STK3: variants seen among roughly 807,000 people sequenced by gnomAD.
STK3 encodes the protein serine/threonine kinase 3, also known as serine/threonine-protein kinase 3.
In STK3, 41 loss-of-function variants were observed where a neutral mutation model predicts 58.0. The ratio of observed to expected loss-of-function variants is 0.71; its 90% CI spans 0.55 to 0.92. The LOEUF (loss-of-function observed/expected upper bound fraction) is 0.92, where lower values mean the gene tolerates loss of function less well. Ranked by LOEUF, STK3 falls within the 40% of genes least tolerant of loss-of-function variation. STK3 has a pLI of 0.00. For synonymous variants in STK3, 170 were observed against 191.0 expected, an observed-to-expected ratio of 0.89 and a Z score of 0.91; for missense variants, 479 against 602.7, an observed-to-expected ratio of 0.79 and a Z score of 2.15.
intron 3 of STK3, among the ~76,000 whole-genome samples, chr8:98,878,125 T>G (rs578051577): frequency 6.6e-6 from 1 of 151,894 alleles, no homozygotes; most frequent in Non-Finnish European, 1.5e-5. Flanking sequence ...TGATCTCAGC[T>G]TACTGCAACC....
chr8:98,398,618 T>G (rs116314310), downstream of STK3, among the ~76,000 whole-genome samples: 969 of 152,266 alleles, frequency 6.4e-3, 8 homozygotes, highest in African/African-American at 0.022. Flanking sequence ...CTCAGTGCAC[T>G]GAGATGAGGC....
At chr8:98,483,271 A>G (rs1336228196) in intron 10 of STK3, among the ~76,000 whole-genome samples, 1 of 152,232 alleles carries the variant, frequency 6.6e-6, no homozygotes, top group African/African-American at 2.4e-5. Flanking sequence ...TTAATATAAC[A>G]CACATAAATA....
At chr8:98,600,087 A>G (rs1457155361) in intron 6 of STK3, among the ~76,000 whole-genome samples, 1 of 152,240 alleles carries the variant, frequency 6.6e-6, no homozygotes, top group Non-Finnish European at 1.5e-5. Context: ...CCTATAATAA[A>G]GTTTCCACAG....
At chr8:98,371,004 T>C (rs996497731), downstream of STK3, among the ~76,000 whole-genome samples, 21 of 152,230 alleles carry the variant, frequency 1.4e-4, no homozygotes, top group African/African-American at 4.3e-4. Flanking sequence ...AGGAAAGAGA[T>C]TGGGAGCTCT....
chr8:98,829,154 T>C (rs1187868013), upstream of STK3, among the ~76,000 whole-genome samples: 1 of 152,176 alleles, frequency 6.6e-6, no homozygotes, highest in African/African-American at 2.4e-5. Context: ...TCCCTTCCTG[T>C]GAGGTGACCT....
chr8:98,589,816 G>T (rs2129860315), intron 7 of STK3, among the ~76,000 whole-genome samples: 1 of 152,316 alleles, frequency 6.6e-6, no homozygotes, highest in South Asian at 2.1e-4. Context: ...CATTTTTTAA[G>T]CCCGTCGGAA....
rs143593379 is a variant in STK3 at position 98,747,920 on chromosome 8, A to C, written c.351+1356T>G. Among the ~76,000 whole-genome samples, 840 of 152,312 alleles carry C rather than the reference A, an allele frequency of 5.5e-3. 10 individuals carry two copies. Among genetic ancestry groups the C allele is most frequent in the African/African-American group, 0.019 (810 of 41,568 alleles). On this transcript the variant is annotated intron_variant, in intron 4 of 10. Coordinates refer to ENST00000419617, the MANE Select transcript of STK3 (RefSeq NM_006281.4). ...TTATAACAAAGAATATGAATGGATA[A>C]AATCTTTCCTTTGATAACTGACAAA...
intron 3 of STK3, among the ~76,000 whole-genome samples, chr8:98,757,084 C>T (rs1830332387): frequency 6.6e-6 from 1 of 152,116 alleles, no homozygotes; most frequent in Admixed American, 6.5e-5. Flanking sequence ...TGACACAGCA[C>T]GCCTCCTTCT....
chr8:98,917,033 T>C (rs1421671109), intron 1 of STK3, among the ~76,000 whole-genome samples: 13 of 152,126 alleles, frequency 8.5e-5, no homozygotes, highest in Non-Finnish European at 4.4e-5. Flanking sequence ...GAGTTGGGCA[T>C]GAGATTGACA....
At chr8:98,538,326 C>T (rs553174319) in intron 9 of STK3, among the ~76,000 whole-genome samples, 1 of 152,132 alleles carries the variant, frequency 6.6e-6, no homozygotes, top group Non-Finnish European at 1.5e-5. Context: ...CTTCACCATA[C>T]TGTATTTTAA....
chr8:98,355,748 A>C, the STK3 span, among the ~76,000 whole-genome samples: 5 of 152,226 alleles, frequency 3.3e-5, no homozygotes, highest in Non-Finnish European at 7.3e-5. Context: ...CAGATATTGT[A>C]GGTAGACAAG....
chr8:98,864,782 C>T (rs748474588), intron 3 of STK3, among the ~76,000 whole-genome samples: 3 of 152,180 alleles, frequency 2.0e-5, no homozygotes, highest in Non-Finnish European at 4.4e-5. Flanking sequence ...ACACTCTGAA[C>T]ATAAGGGCCC....
At chr8:98,618,843 T>C (rs2130350691) in intron 6 of STK3, among the ~76,000 whole-genome samples, 1 of 150,242 alleles carries the variant, frequency 6.7e-6, no homozygotes, top group Middle Eastern at 3.4e-3. Context: ...GAACATTCCA[T>C]GCTCATGGGT....
At chr8:98,395,041 CTCTG>C (rs1464526763) in intron 3 of STK3, among the ~76,000 whole-genome samples, 3 of 152,212 alleles carry the variant, frequency 2.0e-5, no homozygotes, top group African/African-American at 7.2e-5. Context: ...GTGGTGGTGT[CTCTG>C]TCTGTGTGGA....
chr8:98,420,465 G>A (rs545107615), intron 3 of STK3, among the ~76,000 whole-genome samples: 1 of 152,274 alleles, frequency 6.6e-6, no homozygotes, highest in African/African-American at 2.4e-5. Flanking sequence ...ATAGGTATGT[G>A]TGTATAGAAA....
At chr8:98,590,232 G>C (rs1461014562) in intron 7 of STK3, among the ~76,000 whole-genome samples, 1 of 152,196 alleles carries the variant, frequency 6.6e-6, no homozygotes, top group African/African-American at 2.4e-5. Flanking sequence ...GTGCTTCCAG[G>C]TGGTTGTCTT....
At chr8:98,881,808 G>A (rs755545335), downstream of STK3, 5 of 152,026 alleles carry the variant, frequency 3.3e-5, no homozygotes, top group Non-Finnish European at 7.4e-5. Flanking sequence ...AAATCCAGAA[G>A]CTAGCATTTT....
chr8:98,710,327 C>G (rs367927265), intron 4 of STK3, among the ~76,000 whole-genome samples: 6 of 152,152 alleles, frequency 3.9e-5, no homozygotes, highest in Admixed American at 3.3e-4. Flanking sequence ...TGAGCATGAG[C>G]TGAAGCAGGG....
intron 10 of STK3, among the ~76,000 whole-genome samples, chr8:98,463,257 T>C (rs1020604225): frequency 1.3e-5 from 2 of 152,180 alleles, no homozygotes; most frequent in Non-Finnish European, 2.9e-5. Context: ...TAAATTGATA[T>C]GGTTTGGTAC....
Sources: gnomAD v4.1 joint callset for allele counts (sites outside exome capture counted in the v4.1 genomes callset) on GRCh38, gnomAD v4.1.1 for gene constraint, MANE v1.5 for transcripts, NCBI Gene and HGNC (gene_info 2026-07-23, HGNC 2026-07-21) for gene names.